Variants in ABLIM1 observed in about 807,000 individuals in gnomAD.
ABLIM1 encodes the protein actin-binding LIM protein 1.
A neutral mutation model predicts 107.0 loss-of-function variants in ABLIM1; 40 were observed. The observed-to-expected ratio is 0.37, with a 90% CI of 0.29 to 0.49. The LOEUF is 0.49. Among genes scored for constraint, ABLIM1 ranks in the 20% least tolerant of loss-of-function variants. The pLI is 0.97. For missense variants in ABLIM1, 857 were observed against 1,008.5 expected (o/e 0.85, Z 2.04); for synonymous variants, 357 against 357.3 (o/e 1.00, Z 0.01).
In ABLIM1 at chr10:114,437,933, AAAG is replaced by A; in HGVS notation, c.2143-12_2143-10del. 1 of 1,611,288 alleles carries A rather than the reference AAAG, an allele frequency of 6.2e-7. No individual in the cohort carries two copies. Among genetic ancestry groups the A allele is most frequent in the Non-Finnish European group, 8.5e-7 (1 of 1,177,454 alleles). On this transcript the variant is annotated splice_polypyrimidine_tract_variant and intron_variant, in intron 21 of 22. Coordinates refer to ENST00000533213, the MANE Select transcript of ABLIM1 (RefSeq NM_002313.7). ...ATTTCATATGGAAATATCTGAGAAG[AAAG>A]AAAACACCTCTTCTAGAACACCACA...
intron 1 of ABLIM1, among the ~76,000 whole-genome samples, chr10:114,684,115 A>G (rs1349546678): frequency 1.3e-5 from 2 of 152,204 alleles, no homozygotes; most frequent in East Asian, 3.8e-4. Flanking sequence ...TAAGATGTGC[A>G]TTTTATACAG....
intron 6 of ABLIM1, among the ~76,000 whole-genome samples, chr10:114,497,235 G>T (rs747848495): frequency 2.6e-5 from 4 of 152,214 alleles, no homozygotes; most frequent in South Asian, 2.1e-4. Flanking sequence ...CGGCATGAAG[G>T]TTGGTTTACC....
At chr10:114,477,279 A>G (rs1202222736) in intron 8 of ABLIM1, among the ~76,000 whole-genome samples, 3 of 152,198 alleles carry the variant, frequency 2.0e-5, no homozygotes, top group Non-Finnish European at 4.4e-5. Context: ...CTAACTGAAA[A>G]TATTTTTGTT....
At chr10:114,591,200 A>T (rs1345036572) in intron 2 of ABLIM1, among the ~76,000 whole-genome samples, 1 of 152,160 alleles carries the variant, frequency 6.6e-6, no homozygotes, top group Non-Finnish European at 1.5e-5. Context: ...AAATGACATC[A>T]TCACTTCAGA....
At chr10:114,576,997 A>G (rs1161893065) in intron 2 of ABLIM1, among the ~76,000 whole-genome samples, 2 of 152,028 alleles carry the variant, frequency 1.3e-5, no homozygotes, top group African/African-American at 2.4e-5. Flanking sequence ...TCTTCCCCAG[A>G]TGAGTCCTGT....
intron 1 of ABLIM1, among the ~76,000 whole-genome samples, chr10:114,694,308 G>T (rs2081151308): frequency 6.6e-6 from 1 of 152,096 alleles, no homozygotes; most frequent in Non-Finnish European, 1.5e-5. Flanking sequence ...CCTAGACTCT[G>T]CAGTCACTTG....
intron 1 of ABLIM1, among the ~76,000 whole-genome samples, chr10:114,633,892 T>C (rs542687728): frequency 6.6e-6 from 1 of 152,200 alleles, no homozygotes; most frequent in African/African-American, 2.4e-5. Flanking sequence ...TATTATATTT[T>C]TGCTGCTTAG....
chr10:114,661,948 G>T (rs11814261), upstream of ABLIM1, among the ~76,000 whole-genome samples: 1,898 of 152,260 alleles, frequency 0.012, 34 homozygotes, highest in African/African-American at 0.042. Context: ...AGTGCTCGGC[G>T]AACAGATGCC....
intron 6 of ABLIM1, among the ~76,000 whole-genome samples, chr10:114,533,478 G>T (rs960049905): frequency 1.5e-4 from 23 of 152,142 alleles, no homozygotes; most frequent in African/African-American, 5.6e-4. Context: ...TTGGCAAAAA[G>T]TGAACAAAGC....
intron 6 of ABLIM1, among the ~76,000 whole-genome samples, chr10:114,540,821 G>A (rs190357632): frequency 9.2e-5 from 14 of 152,264 alleles, no homozygotes; most frequent in South Asian, 4.1e-4. Flanking sequence ...GGGATGATAC[G>A]TGCATGATTT....
In ABLIM1 at chr10:114,727,191, A is replaced by G. The variant is rs370616850; in HGVS notation, c.-213+40870T>C. On this transcript the variant is annotated intron_variant, in intron 1 of 15. Transcript: ENST00000651092. ...CATACCAAGATAAATGTATGGTGTC[A>G]CCTGCCAAAACAAACAAATGCTTAA... Among the ~76,000 whole-genome samples, 309 of 152,314 alleles carry G rather than the reference A, an allele frequency of 2.0e-3. 1 individual carries two copies. Among genetic ancestry groups the G allele is most frequent in the African/African-American group, 7.2e-3 (298 of 41,552 alleles).
At chr10:114,694,973 C>G (rs1451996368) in intron 1 of ABLIM1, among the ~76,000 whole-genome samples, 1 of 152,178 alleles carries the variant, frequency 6.6e-6, no homozygotes, top group East Asian at 1.9e-4. Context: ...CCCGGACTCT[C>G]CAGGTACTGA....
intron 21 of ABLIM1, among the ~76,000 whole-genome samples, chr10:114,438,196 A>G (rs1432065270): frequency 6.6e-6 from 1 of 152,120 alleles, no homozygotes. Context: ...CTAACTTACT[A>G]TGTATTGGGA....
At chr10:114,695,862 G>A (rs1185702387) in intron 1 of ABLIM1, among the ~76,000 whole-genome samples, 2 of 152,042 alleles carry the variant, frequency 1.3e-5, no homozygotes, top group South Asian at 2.1e-4. Flanking sequence ...GAGATTATGA[G>A]GATGTCAGTT....
intron 1 of ABLIM1, among the ~76,000 whole-genome samples, chr10:114,607,846 G>A (rs1211153327): frequency 6.6e-6 from 1 of 152,186 alleles, no homozygotes; most frequent in Non-Finnish European, 1.5e-5. Context: ...GTGGGATCCT[G>A]GATGGGATCC....
At chr10:114,648,862 T>G (rs564267572) in intron 1 of ABLIM1, among the ~76,000 whole-genome samples, 9 of 152,164 alleles carry the variant, frequency 5.9e-5, no homozygotes, top group Admixed American at 2.6e-4. Context: ...TGGGCATTTG[T>G]GTGGTACACA....
At chr10:114,464,184 A>ATTT (rs1222001152) in intron 12 of ABLIM1, among the ~76,000 whole-genome samples, 20 of 131,370 alleles carry the variant, frequency 1.5e-4, no homozygotes, top group African/African-American at 4.8e-4. Context: ...AGCATAAAGG[A>ATTT]TTTTTTTTTT....
At chr10:114,536,598 A>G (rs1469193595) in intron 6 of ABLIM1, among the ~76,000 whole-genome samples, 1 of 152,138 alleles carries the variant, frequency 6.6e-6, no homozygotes, top group African/African-American at 2.4e-5. Context: ...GTTGTAGTAT[A>G]TATCAGAACT....
chr10:114,694,689 A>G (rs938255565), intron 1 of ABLIM1, among the ~76,000 whole-genome samples: 1 of 152,218 alleles, frequency 6.6e-6, no homozygotes, highest in Non-Finnish European at 1.5e-5. Flanking sequence ...AAACAAGAAA[A>G]AAAAAGACAT....
Sources: gnomAD v4.1 joint callset for allele counts (sites outside exome capture counted in the v4.1 genomes callset) on GRCh38, gnomAD v4.1.1 for gene constraint, MANE v1.5 for transcripts, NCBI Gene and HGNC (gene_info 2026-07-23, HGNC 2026-07-21) for gene names.